LRRTM4: variants seen among roughly 807,000 people sequenced by gnomAD.
The protein encoded by LRRTM4 is leucine-rich repeat transmembrane neuronal protein 4.
In LRRTM4, 25 loss-of-function variants were observed where a neutral mutation model predicts 47.6. The observed-to-expected ratio is 0.53, with a 90% CI of 0.38 to 0.73. The LOEUF (loss-of-function observed/expected upper bound fraction) is 0.73, where lower values mean the gene tolerates loss of function less well. Ranked by LOEUF, LRRTM4 falls within the 30% of genes least tolerant of loss-of-function variation. LRRTM4 has a pLI of 0.00. For synonymous variants in LRRTM4, 311 were observed against 269.5 expected (o/e 1.15, Z -1.51); for missense variants, 638 against 713.4 (o/e 0.89, Z 1.20).
intron 3 of LRRTM4, among the ~76,000 whole-genome samples, chr2:77,207,263 A>G (rs1213779947): frequency 6.8e-6 from 1 of 146,246 alleles, no homozygotes; most frequent in Non-Finnish European, 1.5e-5. Flanking sequence ...ACATATATGA[A>G]GTACACATAT....
intron 3 of LRRTM4, among the ~76,000 whole-genome samples, chr2:76,811,704 C>A (rs1670739249): frequency 6.6e-6 from 1 of 152,180 alleles, no homozygotes; most frequent in Non-Finnish European, 1.5e-5. Context: ...GTGCACCCAT[C>A]TTTAGAAGGG....
intron 3 of LRRTM4, among the ~76,000 whole-genome samples, chr2:77,084,749 G>A (rs10174161): frequency 0.46 from 70,261 of 151,976 alleles, 20,643 homozygotes; most frequent in African/African-American, 0.83. Flanking sequence ...TCATAATATT[G>A]TCATAAGAAA....
At chr2:77,499,819 C>T (rs745682669) in intron 3 of LRRTM4, among the ~76,000 whole-genome samples, 5 of 151,676 alleles carry the variant, frequency 3.3e-5, no homozygotes, top group Non-Finnish European at 7.4e-5. Context: ...CCTCTCCTTC[C>T]CTGGAAGGCA....
intron 3 of LRRTM4, among the ~76,000 whole-genome samples, chr2:77,046,128 TA>T: frequency 6.6e-6 from 1 of 152,098 alleles, no homozygotes; most frequent in East Asian, 1.9e-4. Flanking sequence ...TACTGGGAGC[TA>T]AAACTCACAT....
intron 3 of LRRTM4, among the ~76,000 whole-genome samples, chr2:76,876,430 C>T (rs995823859): frequency 6.6e-6 from 1 of 152,016 alleles, no homozygotes; most frequent in Non-Finnish European, 1.5e-5. Context: ...GTTGTTTTTA[C>T]TGAAGTATCT....
chr2:77,096,205 T>C (rs1162506006), intron 3 of LRRTM4, among the ~76,000 whole-genome samples: 1 of 151,706 alleles, frequency 6.6e-6, no homozygotes, highest in African/African-American at 2.4e-5. Context: ...AATTGAGAAC[T>C]GCAAAATTGA....
intron 3 of LRRTM4, among the ~76,000 whole-genome samples, chr2:76,919,588 T>C (rs575485524): frequency 3.4e-4 from 52 of 152,180 alleles, no homozygotes; most frequent in African/African-American, 1.3e-3. Context: ...ATCAGGAAAG[T>C]TGGGAAAATT....
intron 3 of LRRTM4, among the ~76,000 whole-genome samples, chr2:76,878,677 G>A (rs568703231): frequency 3.6e-4 from 54 of 151,932 alleles, no homozygotes; most frequent in African/African-American, 1.2e-3. Context: ...AAGATCAGCC[G>A]GACCAACATG....
chr2:77,299,096 C>T (rs1677052328), intron 3 of LRRTM4, among the ~76,000 whole-genome samples: 1 of 151,902 alleles, frequency 6.6e-6, no homozygotes, highest in Admixed American at 6.6e-5. Flanking sequence ...TCCTTTCTGA[C>T]CAAAGTATCA....
At position 77,293,612 on chromosome 2, in the gene LRRTM4, C is replaced by A. The variant is rs370042283; in HGVS notation, c.1551+224706G>T. On this transcript the variant is annotated intron_variant, in intron 3 of 3. Transcript: ENST00000409884. ...AGAAGAAAGAACACAAAAAGAAAAA[C>A]GAACATACATATTTTTGTGAAAAAA... 1.2e-3 allele frequency among the ~76,000 whole-genome samples: 177 copies of A among 152,158 alleles called. 1 individual carries two copies. The highest frequency in any genetic ancestry group is 4.1e-3 in the African/African-American group (172 of 41,530).
chr2:77,351,861 T>C (rs1671793917), intron 3 of LRRTM4, among the ~76,000 whole-genome samples: 1 of 152,056 alleles, frequency 6.6e-6, no homozygotes, highest in African/African-American at 2.4e-5. Context: ...TTTGGAACAA[T>C]ATTTTTAAAC....
intron 3 of LRRTM4, among the ~76,000 whole-genome samples, chr2:76,880,488 G>A (rs746429033): frequency 1.1e-4 from 17 of 152,064 alleles, no homozygotes; most frequent in Non-Finnish European, 1.9e-4. Flanking sequence ...GTAAACTAGA[G>A]TAGAGTTTAA....
intron 3 of LRRTM4, among the ~76,000 whole-genome samples, chr2:77,294,654 T>G (rs1020618258): frequency 6.6e-6 from 1 of 152,154 alleles, no homozygotes; most frequent in African/African-American, 2.4e-5. Context: ...GACTCAAGTG[T>G]GACCTGAATG....
chr2:77,100,689 A>G (rs2103909765), intron 3 of LRRTM4, among the ~76,000 whole-genome samples: 1 of 152,268 alleles, frequency 6.6e-6, no homozygotes, highest in African/African-American at 2.4e-5. Context: ...CAATCAGGAA[A>G]AAAGAATATG....
At chr2:77,134,477 T>C (rs1428736665) in intron 3 of LRRTM4, among the ~76,000 whole-genome samples, 1 of 152,202 alleles carries the variant, frequency 6.6e-6, no homozygotes, top group African/African-American at 2.4e-5. Context: ...GATAATTATT[T>C]TAAAAATATG....
chr2:77,347,464 T>C (rs1671603910), intron 3 of LRRTM4, among the ~76,000 whole-genome samples: 1 of 152,138 alleles, frequency 6.6e-6, no homozygotes, highest in East Asian at 1.9e-4. Context: ...ACATTGTGTA[T>C]AATATTATTA....
At chr2:76,852,274 G>C (rs549007696) in intron 3 of LRRTM4, among the ~76,000 whole-genome samples, 1 of 152,078 alleles carries the variant, frequency 6.6e-6, no homozygotes, top group African/African-American at 2.4e-5. Flanking sequence ...ATAAACTGAA[G>C]GTATCATTCA....
rs569594222 is a variant in LRRTM4, at chr2:77,350,395, A to T, written c.1551+167923T>A. Among the ~76,000 whole-genome samples, 49 of 150,466 alleles carry T rather than the reference A, an allele frequency of 3.3e-4. No individual in the cohort carries two copies. In the South Asian group the frequency reaches 0.01, roughly 31 times the overall value. Reference sequence around the variant, plus strand: ...GGAAATGCTGAGGTGTTACAATATGAATTTAGAAAAAATTGATAAAAATTA... The same window carrying T: ...GGAAATGCTGAGGTGTTACAATATGTATTTAGAAAAAATTGATAAAAATTA... On this transcript the variant is annotated intron_variant, in intron 3 of 3. Coordinates refer to ENST00000409884, the MANE Select transcript of LRRTM4 (RefSeq NM_001134745.3).
chr2:77,283,046 A>G (rs2104104774), intron 3 of LRRTM4, among the ~76,000 whole-genome samples: 1 of 152,192 alleles, frequency 6.6e-6, no homozygotes, highest in African/African-American at 2.4e-5. Flanking sequence ...CAGACAACCT[A>G]CAGAATGGTA....
Sources: gnomAD v4.1 joint callset for allele counts (sites outside exome capture counted in the v4.1 genomes callset) on GRCh38, gnomAD v4.1.1 for gene constraint, MANE v1.5 for transcripts, NCBI Gene and HGNC (gene_info 2026-07-23, HGNC 2026-07-21) for gene names.